Variants in AP1M2 observed in about 807,000 individuals in gnomAD.
AP1M2 encodes AP-1 complex subunit mu-2.
Under a neutral mutation model 54.6 loss-of-function variants are expected in AP1M2, and 41 were observed. The ratio of observed to expected loss-of-function variants is 0.75; its 90% CI spans 0.59 to 0.97. The LOEUF (loss-of-function observed/expected upper bound fraction) is 0.97, where lower values mean the gene tolerates loss of function less well. Among genes scored for constraint, AP1M2 ranks in the 50% least tolerant of loss-of-function variants. The pLI, the probability that AP1M2 is intolerant of heterozygous loss-of-function variation, is 0.00. For synonymous variants in AP1M2, 219 were observed against 215.9 expected (o/e 1.01, Z -0.13); for missense variants, 507 against 561.2 (o/e 0.90, Z 0.98).
rs944384634 is a variant in AP1M2 at position 10,581,534 on chromosome 19, T to C, written c.499A>G (p.Lys167Glu). 5 of 1,613,820 alleles carry C rather than the reference T, an allele frequency of 3.1e-6. No individual in the cohort carries two copies. Among genetic ancestry groups the C allele is most frequent in the Non-Finnish European group, 4.2e-6 (5 of 1,179,888 alleles). Reference sequence around the variant, plus strand: ...ACATCAATGAAGACCTCGTTCTTCTTATACTTGATACCCTCGGAGCGCCAG... The same window carrying C: ...ACATCAATGAAGACCTCGTTCTTCTCATACTTGATACCCTCGGAGCGCCAG... ...VSWRSEGIKY[K>E]KNEVFIDVIE... is the part of the protein sequence containing the mutation. The change falls in exon 5 of 12, where the codon AAG becomes GAG. Residue 167 changes from lysine (K) to glutamate (E), a missense_variant. Physicochemically the swap from Lys to Glu is moderately conservative, Grantham distance 56. Coordinates refer to ENST00000250244, the MANE Select transcript of AP1M2 (RefSeq NM_005498.5).
intron 3 of AP1M2, 71 bp downstream of exon 3, chr19:10,583,535 T>G: frequency 8.0e-7 from 1 of 1,245,654 alleles, no homozygotes; most frequent in African/African-American, 1.5e-5. Flanking sequence ...AAAAGGATCT[T>G]GAATCTTGAA....
At chr19:10,573,301 C>A (rs567362187) in intron 11 of AP1M2, among the ~76,000 whole-genome samples, 179 of 152,146 alleles carry the variant, frequency 1.2e-3, no homozygotes, top group African/African-American at 4.3e-3. Context: ...CACCTGTAAT[C>A]CCAGCTACTA....
In AP1M2 at chr19:10,576,518, T is replaced by A. The variant is rs569490416; in HGVS notation, c.1047+680A>T. 1.3e-3 allele frequency among the ~76,000 whole-genome samples: 201 copies of A among 152,120 alleles called. 1 individual carries two copies. Among genetic ancestry groups the A allele is most frequent in the African/African-American group, 4.7e-3 (195 of 41,518 alleles). On this transcript the variant is annotated intron_variant, in intron 9 of 11. Coordinates refer to ENST00000250244, the MANE Select transcript of AP1M2 (RefSeq NM_005498.5). ...ACCTCGTGATCCGCCCACCTCGGCCTCCCAAAGTGCTGGGATTACAGGCGT... is the reference window on the plus strand; with the variant it reads ...ACCTCGTGATCCGCCCACCTCGGCCACCCAAAGTGCTGGGATTACAGGCGT...
At chr19:10,583,761 C>A in intron 2 of AP1M2, 88 bp from the exon 3 acceptor site, 3 of 1,499,170 alleles carry the variant, frequency 2.0e-6, no homozygotes, top group East Asian at 4.6e-5. Context: ...CCCTTGCCAC[C>A]ACCCTCATCT....
chr19:10,579,955 A>G, intron 6 of AP1M2, 97 bp from the exon 7 acceptor site: 1 of 1,229,710 alleles, frequency 8.1e-7, no homozygotes, highest in Non-Finnish European at 1.1e-6. Flanking sequence ...TATTTCACAT[A>G]TGGGGAAACT....
At chr19:10,575,906 C>T (rs1316880602) in intron 9 of AP1M2, among the ~76,000 whole-genome samples, 11 of 147,274 alleles carry the variant, frequency 7.5e-5, no homozygotes, top group Non-Finnish European at 1.6e-4. Flanking sequence ...GCTGGGACTA[C>T]AGGCGCCCGC....
At chr19:10,581,452 C>A in intron 5 of AP1M2, 35 bp downstream of exon 5, 4 of 1,611,110 alleles carry the variant, frequency 2.5e-6, no homozygotes, top group Non-Finnish European at 3.4e-6. Context: ...GCAGCCAGGC[C>A]GTGGAAGGGG....
At chr19:10,578,766 G>C (rs958267408) in intron 8 of AP1M2, 126 bp downstream of exon 8, 9 of 597,262 alleles carry the variant, frequency 1.5e-5, no homozygotes, top group African/African-American at 5.6e-5. Context: ...TGCCCAGGCT[G>C]GTCTCAAAGT....
At chr19:10,580,807 T>A (rs1294426024) in intron 6 of AP1M2, among the ~76,000 whole-genome samples, 1 of 151,644 alleles carries the variant, frequency 6.6e-6, no homozygotes, top group East Asian at 1.9e-4. Flanking sequence ...CTATAAAAAA[T>A]TTAAAAAGTA....
intron 1 of AP1M2, 103 bp from the exon 2 acceptor site, chr19:10,584,173 C>T (rs1209121734): frequency 7.8e-6 from 11 of 1,419,074 alleles, no homozygotes; most frequent in Non-Finnish European, 1.0e-5. Flanking sequence ...AGCTGAGGGG[C>T]TTGGGCAAGG....
chr19:10,582,192 C>T (rs936067204), intron 3 of AP1M2, among the ~76,000 whole-genome samples: 2 of 151,986 alleles, frequency 1.3e-5, no homozygotes, highest in Non-Finnish European at 2.9e-5. Context: ...TACAGGCACG[C>T]ACTACCAGGG....
intron 11 of AP1M2, among the ~76,000 whole-genome samples, chr19:10,574,040 T>A (rs1382286338): frequency 6.6e-6 from 1 of 151,972 alleles, no homozygotes; most frequent in Non-Finnish European, 1.5e-5. Context: ...TCTTTTTCAT[T>A]TTTTGAGACA....
chr19:10,581,289 C>T lies in AP1M2; in HGVS notation c.650G>A (p.Arg217His), dbSNP rs781427984. The T allele has an allele frequency of 2.9e-5, 47 of 1,613,550 alleles. No individual in the cohort carries two copies. The highest frequency in any genetic ancestry group is 3.8e-5 in the Non-Finnish European group (45 of 1,179,626). ...ACGGCCAGTGAGCTCGAAGAGCACGCGGTCATTGAGGCCCAGCCGCAGCTC... is the reference window on the plus strand; with the variant it reads ...ACGGCCAGTGAGCTCGAAGAGCACGTGGTCATTGAGGCCCAGCCGCAGCTC... Reference protein sequence around the residue: ...MPELRLGLNDRVLFELTGRSK... With the variant: ...MPELRLGLNDHVLFELTGRSK... Residue 217 changes from arginine to histidine, a missense_variant, in exon 6 of 12, where the codon CGC (arginine) becomes CAC (histidine). Arg to His is a conservative substitution (Grantham distance 29, BLOSUM62 0). Coordinates refer to ENST00000250244, the MANE Select transcript of AP1M2 (RefSeq NM_005498.5).
Position 10,581,846 on chromosome 19 carries a change from C to G in AP1M2, c.300G>C (p.Glu100Asp). Reference protein sequence around the residue: ...VFCEYFKELEEESIRDNFVIV... With the variant: ...VFCEYFKELEDESIRDNFVIV... ...TGACAAAGTTGTCCCGGATGCTCTCCTCCTCCAGCTCCTTGAAGTATTCGC... is the reference window on the plus strand; with the variant it reads ...TGACAAAGTTGTCCCGGATGCTCTCGTCCTCCAGCTCCTTGAAGTATTCGC... The change falls in exon 4 of 12, where the codon GAG (glutamate) becomes GAC (aspartate). Residue 100 changes from glutamate (E) to aspartate (D), a missense_variant. Transcript: ENST00000250244. 1 of 1,613,748 alleles carries G rather than the reference C, an allele frequency of 6.2e-7. No homozygotes were observed. The highest frequency in any genetic ancestry group is 8.5e-7 in the Non-Finnish European group (1 of 1,179,890).
At chr19:10,581,239 C>G in intron 6 of AP1M2, 27 bp downstream of exon 6, 2 of 1,593,014 alleles carry the variant, frequency 1.3e-6, no homozygotes, top group Middle Eastern at 1.8e-4. Flanking sequence ...GTGCATTTCT[C>G]AGAAGAAAGG....
intron 9 of AP1M2, among the ~76,000 whole-genome samples, chr19:10,576,297 C>T (rs925903214): frequency 1.5e-5 from 2 of 133,700 alleles, no homozygotes; most frequent in African/African-American, 2.8e-5. Flanking sequence ...GAGTCTCGCT[C>T]TGTCACCCAG....
At chr19:10,576,258 ATTTTTTTTT>A (rs34667196) in intron 9 of AP1M2, among the ~76,000 whole-genome samples, 42 of 82,552 alleles carry the variant, frequency 5.1e-4, no homozygotes, top group African/African-American at 2.0e-3. Context: ...TGCCCGGCTA[ATTTTTTTTT>A]TTTTTTTTTT....
intron 1 of AP1M2, among the ~76,000 whole-genome samples, chr19:10,585,818 C>T (rs1761285939): frequency 6.6e-6 from 1 of 152,050 alleles, no homozygotes; most frequent in Non-Finnish European, 1.5e-5. Context: ...ATTTTCACCA[C>T]CACTCTTATT....
intron 9 of AP1M2, among the ~76,000 whole-genome samples, chr19:10,576,844 T>C (rs866545439): frequency 1.3e-5 from 2 of 151,986 alleles, no homozygotes; most frequent in Admixed American, 1.3e-4. Flanking sequence ...GTGGCTGGGA[T>C]TACAGGCATG....
Sources: gnomAD v4.1 joint callset for allele counts (sites outside exome capture counted in the v4.1 genomes callset) on GRCh38, gnomAD v4.1.1 for gene constraint, MANE v1.5 for transcripts, NCBI Gene and HGNC (gene_info 2026-07-23, HGNC 2026-07-21) for gene names.